The following CACNA1A variants were observed in gnomAD, a reference collection of about 807,000 sequenced individuals.
The protein encoded by CACNA1A is calcium voltage-gated channel subunit alpha1 A, also known as voltage-dependent P/Q-type calcium channel subunit alpha-1A.
CACNA1A carries 57 observed loss-of-function variants against 262.4 expected under a neutral mutation model. The observed-to-expected ratio is 0.22, with a 90% CI of 0.18 to 0.27. The LOEUF (loss-of-function observed/expected upper bound fraction) is 0.27, where lower values mean the gene tolerates loss of function less well. Among genes scored for constraint, CACNA1A ranks in the 10% least tolerant of loss-of-function variants. The pLI is 1.00. For missense variants in CACNA1A, 2,526 were observed against 3,562.8 expected, an observed-to-expected ratio of 0.71 and a Z score of 7.41; for synonymous variants, 1,431 against 1,419.3, an observed-to-expected ratio of 1.01 and a Z score of -0.18.
chr19:13,369,621 A>G (rs2059282712), intron 4 of CACNA1A, among the ~76,000 whole-genome samples: 1 of 152,230 alleles, frequency 6.6e-6, no homozygotes, highest in Non-Finnish European at 1.5e-5. Context: ...AGTACCTGGT[A>G]AGTCATAGGT....
chr19:13,239,017 C>T (rs570803228), intron 31 of CACNA1A, among the ~76,000 whole-genome samples: 15 of 152,248 alleles, frequency 9.9e-5, no homozygotes, highest in Admixed American at 2.0e-4. Context: ...TCTCTTGCTG[C>T]GATTCCTGGT....
chr19:13,259,599 G>A lies in CACNA1A; in HGVS notation c.4353C>T (p.Thr1451=). 1 of 1,609,820 alleles carries A rather than the reference G, an allele frequency of 6.2e-7. No individual in the cohort carries two copies. Among genetic ancestry groups the A allele is most frequent in the Non-Finnish European group, 8.5e-7 (1 of 1,178,076 alleles). ...CTTCTCCCGTGGACACGGTGAAGAG[G>A]GTCAGCAGAGCCCACAGCACATTGT... ...HYDNVLWALL[T]LFTVSTGEGW... Residue 1451 remains threonine (T), a synonymous_variant, in exon 27 of 47, where the codon ACC becomes ACT. Transcript: ENST00000360228.
chr19:13,452,219 A>G (rs1026524860), intron 3 of CACNA1A: 2 of 152,268 alleles, frequency 1.3e-5, no homozygotes, highest in African/African-American at 4.8e-5. Flanking sequence ...TTATACCAGC[A>G]AGTGCTACCT....
chr19:13,285,040 C>T (rs780888618), intron 21 of CACNA1A, 28 bp downstream of exon 21: 2 of 1,613,718 alleles, frequency 1.2e-6, no homozygotes, highest in Non-Finnish European at 8.5e-7. Context: ...CCCAGGCCCC[C>T]CCTGCCCTTG....
At chr19:13,359,960 T>C (rs1255167785) in intron 5 of CACNA1A, among the ~76,000 whole-genome samples, 161 bp from the exon 6 acceptor site, 2 of 152,128 alleles carry the variant, frequency 1.3e-5, no homozygotes, top group African/African-American at 2.4e-5. Flanking sequence ...GGGTCTATTA[T>C]TGGTTTTCTA....
rs532571323 is a variant in CACNA1A at position 13,236,924 on chromosome 19, C to T, written c.4951-1194G>A. Among the ~76,000 whole-genome samples, 10 of 152,222 alleles carry T rather than the reference C, an allele frequency of 6.6e-5. No individual in the cohort carries two copies. The South Asian group carries it at 1.9e-3, about 28-fold the overall frequency. On this transcript the variant is annotated intron_variant, in intron 31 of 46. Transcript: ENST00000360228. This position sits in a 1 kb window ranked among gnomAD's most constrained non-coding sequence, Gnocchi z 4.6. ...GGGGGGGGTGGGACTCTCGAAGTCA[C>T]GAGTGGGCCAAATCTAGCTAATAAA...
intron 28 of CACNA1A, among the ~76,000 whole-genome samples, chr19:13,255,741 C>CTCCCTCCT (rs2056541212): frequency 1.1e-5 from 1 of 87,324 alleles, no homozygotes; most frequent in Non-Finnish European, 2.5e-5. Flanking sequence ...CCCTCCTTCC[C>CTCCCTCCT]TCCCTCCCTC....
chr19:13,483,557 C>T (rs183454138), intron 1 of CACNA1A, among the ~76,000 whole-genome samples: 2 of 152,286 alleles, frequency 1.3e-5, no homozygotes, highest in Non-Finnish European at 2.9e-5. Flanking sequence ...AGCAAGAAAG[C>T]ATTTGCTGAA....
intron 6 of CACNA1A, among the ~76,000 whole-genome samples, chr19:13,346,733 G>A (rs1214512705): frequency 8.2e-6 from 1 of 122,134 alleles, no homozygotes; most frequent in African/African-American, 3.2e-5. Flanking sequence ...AGGCTGGAGT[G>A]CAGTGGCACG....
intron 6 of CACNA1A, among the ~76,000 whole-genome samples, chr19:13,348,623 C>G (rs556707407): frequency 1.2e-4 from 19 of 152,244 alleles, no homozygotes; most frequent in South Asian, 2.1e-4. Flanking sequence ...GAATCATGAG[C>G]TCAGGAGATC....
intron 3 of CACNA1A, 122 bp from the exon 4 acceptor site, chr19:13,371,901 G>A (rs2059329522): frequency 1.4e-5 from 10 of 720,766 alleles, no homozygotes; most frequent in Admixed American, 4.1e-5. Flanking sequence ...CAGGTGACTC[G>A]ACACCACTGG....
At chr19:13,441,278 C>A (rs1347543943) in intron 3 of CACNA1A, among the ~76,000 whole-genome samples, 1 of 152,130 alleles carries the variant, frequency 6.6e-6, no homozygotes, top group South Asian at 2.1e-4. Context: ...CCTTACGTGT[C>A]TATGTAGACT....
chr19:13,398,262 C>T (rs1480039551), intron 3 of CACNA1A, among the ~76,000 whole-genome samples: 1 of 142,696 alleles, frequency 7.0e-6, no homozygotes. Context: ...AACTCCGTCG[C>T]AAAAGAAAAA....
chr19:13,498,498 A>T (rs1981954232), intron 1 of CACNA1A, among the ~76,000 whole-genome samples: 1 of 151,944 alleles, frequency 6.6e-6, no homozygotes, highest in African/African-American at 2.4e-5. Flanking sequence ...TGGGGGTGGG[A>T]GGCTGCTAAT....
intron 19 of CACNA1A, among the ~76,000 whole-genome samples, chr19:13,297,291 T>C (rs921801049): frequency 2.0e-5 from 3 of 152,200 alleles, no homozygotes; most frequent in Admixed American, 6.5e-5. Flanking sequence ...GTGGGGCTTC[T>C]CTTAATAGTT....
At chr19:13,383,765 C>T (rs921551124) in intron 3 of CACNA1A, among the ~76,000 whole-genome samples, 4 of 152,136 alleles carry the variant, frequency 2.6e-5, no homozygotes, top group African/African-American at 9.7e-5. Flanking sequence ...AACTTCCTAG[C>T]TAAAGAGATC....
At chr19:13,262,889 G>C (rs2056770180) in intron 24 of CACNA1A, 56 bp from the exon 25 acceptor site, 1 of 1,244,474 alleles carries the variant, frequency 8.0e-7, no homozygotes, top group African/African-American at 1.5e-5. Flanking sequence ...AGGTCAGGTT[G>C]GGTAGGGGGC....
At chr19:13,290,743 A>T (rs2057516074) in intron 19 of CACNA1A, among the ~76,000 whole-genome samples, 1 of 151,052 alleles carries the variant, frequency 6.6e-6, no homozygotes, top group East Asian at 2.0e-4. Context: ...ATATGTGTAT[A>T]TATATACATA....
chr19:13,452,746 G>T, intron 3 of CACNA1A, 130 bp downstream of exon 3: 1 of 756,484 alleles, frequency 1.3e-6, no homozygotes. Context: ...CAGAAAGGAG[G>T]CAGGCGCATA....
Sources: allele counts gnomAD v4.1 joint callset (sites outside exome capture counted in the v4.1 genomes callset), GRCh38; gene constraint gnomAD v4.1.1; non-coding constraint Gnocchi (gnomAD v3.1); transcripts MANE v1.5; gene names NCBI Gene and HGNC (gene_info 2026-07-23, HGNC 2026-07-21).